FAM174C: variants seen among roughly 807,000 people sequenced by gnomAD.
FAM174C encodes the protein protein FAM174C.
A neutral mutation model predicts 12.3 loss-of-function variants in FAM174C; 19 were observed. That is an observed-to-expected ratio of 1.55 (90% CI 1.08 to 2.27). The LOEUF (loss-of-function observed/expected upper bound fraction) is 2.27, where lower values mean the gene tolerates loss of function less well. Among genes scored for constraint, FAM174C ranks in the 30% most tolerant of loss-of-function variants. The pLI, the probability that FAM174C is intolerant of heterozygous loss-of-function variation, is 0.00. For synonymous variants in FAM174C, 147 were observed against 103.5 expected (o/e 1.42, Z -2.55); for missense variants, 239 against 190.2 (o/e 1.26, Z -1.51).
intron 1 of FAM174C, 34 bp downstream of exon 1, chr19:1,275,864 C>T (rs760954772): frequency 5.2e-6 from 8 of 1,526,560 alleles, no homozygotes; most frequent in African/African-American, 1.4e-5. Flanking sequence ...CGTCTCTCAG[C>T]CTTGGCCAAT....
At chr19:1,276,040 C>T in intron 1 of FAM174C, 1 of 556,642 alleles carries the variant, frequency 1.8e-6, no homozygotes, top group South Asian at 2.2e-5. Flanking sequence ...CCAGCCTGCG[C>T]CTGGGGTTGG....
At chr19:1,277,588 A>G (rs940618416) in intron 2 of FAM174C, among the ~76,000 whole-genome samples, 1 of 152,118 alleles carries the variant, frequency 6.6e-6, no homozygotes, top group Non-Finnish European at 1.5e-5. Context: ...TTCCTGCCAC[A>G]GCCTCCCGAG....
At chr19:1,276,157 G>A (rs1342088922) in intron 1 of FAM174C, 4 of 354,976 alleles carry the variant, frequency 1.1e-5, no homozygotes, top group Non-Finnish European at 2.1e-5. Context: ...CTGGCGGGGC[G>A]AGGGGGCCTC....
At chr19:1,277,976 T>C (rs2081422747) in intron 2 of FAM174C, 2 of 152,724 alleles carry the variant, frequency 1.3e-5, no homozygotes, top group African/African-American at 4.8e-5. Context: ...GGTTTCACCA[T>C]GTTGGCCAGG....
intron 1 of FAM174C, chr19:1,276,382 C>T (rs1426907199): frequency 6.5e-6 from 1 of 155,002 alleles, no homozygotes; most frequent in Non-Finnish European, 1.4e-5. Context: ...TGTAGGCAGC[C>T]CCTGGGCAGG....
chr19:1,276,929 G>A (rs1167682174), intron 1 of FAM174C: 1 of 343,876 alleles, frequency 2.9e-6, no homozygotes, highest in Non-Finnish European at 5.2e-6. Context: ...TGACATCAGC[G>A]TGCCTCTCCT....
At chr19:1,278,626 G>A in intron 2 of FAM174C, 151 bp from the exon 3 acceptor site, 1 of 1,456,874 alleles carries the variant, frequency 6.9e-7, no homozygotes, top group Non-Finnish European at 9.1e-7. Context: ...GGCCCAGGAG[G>A]CCGGGGAGGG....
chr19:1,277,759 C>G (rs984464921), intron 2 of FAM174C: 1 of 156,402 alleles, frequency 6.4e-6, no homozygotes, highest in African/African-American at 2.4e-5. Context: ...CAGGTGTGAG[C>G]CACCGCACCT....
chr19:1,277,491 C>T (rs2081420802), intron 2 of FAM174C, among the ~76,000 whole-genome samples, 192 bp downstream of exon 2: 1 of 151,980 alleles, frequency 6.6e-6, no homozygotes, highest in Non-Finnish European at 1.5e-5. Flanking sequence ...TTTTTTTAAA[C>T]TTAAATGTTT....
In FAM174C at chr19:1,275,667, T is replaced by TCGCCGC; in HGVS notation, c.124_129dup (p.Pro42_Pro43dup). The TCGCCGC allele has an allele frequency of 3.5e-6, 5 of 1,433,190 alleles. No individual in the cohort carries two copies. The South Asian group carries it at 5.8e-5, about 17-fold the overall frequency. The allele number at this position is 1,433,190 out of a possible 1,614,324, so 88.8% of individuals were successfully genotyped here. A position where few individuals can be genotyped will look rare whatever the true frequency, so the allele number is the denominator to read the frequency against. On this transcript the variant is annotated inframe_insertion, in exon 1 of 3. Coordinates refer to ENST00000409293, the MANE Select transcript of FAM174C (RefSeq NM_017914.4). Reference sequence around the variant, plus strand: ...GCTGCGCCCCGCGCAGGTCACGTTGTCGCCGCCGCCGGCCGTGACGAACGG... The same window carrying TCGCCGC: ...GCTGCGCCCCGCGCAGGTCACGTTGTCGCCGCCGCCGCCGCCGGCCGTGACGAACGG...
rs1476106026 is a variant in FAM174C at position 1,275,623 on chromosome 19, G to A, written c.74G>A (p.Gly25Asp). 1.9e-5 allele frequency: 26 copies of A among 1,352,796 alleles called. No individual in the cohort carries two copies. Among genetic ancestry groups the A allele is most frequent in the Non-Finnish European group, 2.2e-5 (23 of 1,061,120 alleles). The allele number at this position is 1,352,796 out of a possible 1,614,324, so 83.8% of individuals were successfully genotyped here. ...LALLLAALPC[G>D]AEEASPLRPA... The stretch of plus-strand genomic sequence containing the variant: ...CTGCTGCTGGCGGCGCTGCCGTGCG[G>A]TGCCGAAGAGGCCTCGCCGCTGCGC... Residue 25 changes from glycine to aspartate, a missense_variant, in exon 1 of 3, where the codon GGT becomes GAT. Transcript: ENST00000409293.
rs1349997919 is a variant in FAM174C, at chr19:1,275,572, C to T, written c.23C>T (p.Pro8Leu). 3.3e-6 allele frequency: 4 copies of T among 1,223,802 alleles called. No homozygotes were observed. Among genetic ancestry groups the T allele is most frequent in the Non-Finnish European group, 2.0e-6 (2 of 983,684 alleles). 75.8% of individuals were successfully genotyped at this position (1,223,802 alleles called of 1,614,324 possible). MGPRVLQ[P>L]PLLLLLLALL... ...GCCATGGGGCCGCGCGTGCTGCAGC[C>T]GCCGCTGCTGCTGCTCCTGCTGGCG... The change falls in exon 1 of 3, where the codon CCG (proline) becomes CTG (leucine). Residue 8 changes from proline to leucine, a missense_variant. By Grantham distance (98) the Pro-to-Leu change is moderately conservative. Transcript: ENST00000409293.
chr19:1,277,569 G>C (rs2081421081), intron 2 of FAM174C, among the ~76,000 whole-genome samples: 1 of 151,696 alleles, frequency 6.6e-6, no homozygotes, highest in African/African-American at 2.4e-5. Context: ...CTCCGGGATT[G>C]AGGCGATTTT....
At position 1,277,272 on chromosome 19, in the gene FAM174C, C is replaced by G. The variant is rs751062801; in HGVS notation, c.371C>G (p.Thr124Arg). The change falls in exon 2 of 3, where the codon ACG becomes AGG. Residue 124 changes from threonine to arginine, a missense_variant. By Grantham distance (71) the Thr-to-Arg change is moderately conservative (BLOSUM62 -1). Transcript: ENST00000409293. Reference protein sequence around the residue: ...EMASLDSDEETVFESRNLR With the variant: ...EMASLDSDEERVFESRNLR ...GCCTCGCTGGACAGCGACGAGGAGA[C>G]GGTGTTTGAGTCCCGGAATCTGAGA... 1 of 1,549,000 alleles carries G rather than the reference C, an allele frequency of 6.5e-7. No individual in the cohort carries two copies.
rs1329564906 is a variant in FAM174C, at chr19:1,275,617, C to G, written c.68C>G (p.Pro23Arg). The G allele has an allele frequency of 4.7e-6, 6 of 1,283,252 alleles. No individual in the cohort carries two copies. Among genetic ancestry groups the G allele is most frequent in the Non-Finnish European group, 5.9e-6 (6 of 1,019,244 alleles). 79.5% of individuals were successfully genotyped at this position (1,283,252 alleles called of 1,614,324 possible). Residue 23 changes from proline (P) to arginine (R), a missense_variant, in exon 1 of 3, where the codon CCG (proline) becomes CGG (arginine). By Grantham distance (103) the Pro-to-Arg change is moderately radical. Coordinates refer to ENST00000409293, the MANE Select transcript of FAM174C (RefSeq NM_017914.4). ...CTGGCGCTGCTGCTGGCGGCGCTGC[C>G]GTGCGGTGCCGAAGAGGCCTCGCCG... Reference protein sequence around the residue: ...LLLALLLAALPCGAEEASPLR... With the variant: ...LLLALLLAALRCGAEEASPLR...
In FAM174C at chr19:1,275,572, C is replaced by CG; in HGVS notation, c.24dup (p.Pro9AlafsTer86). ...GCCATGGGGCCGCGCGTGCTGCAGC[C>CG]GCCGCTGCTGCTGCTCCTGCTGGCG... On this transcript the variant is annotated frameshift_variant, in exon 1 of 3. Transcript: ENST00000409293. LOFTEE classifies it high-confidence loss of function. The CG allele has an allele frequency of 2.5e-6, 3 of 1,223,802 alleles. No homozygotes were observed. Among genetic ancestry groups the CG allele is most frequent in the Non-Finnish European group, 3.0e-6 (3 of 983,684 alleles). 75.8% of individuals were successfully genotyped at this position (1,223,802 alleles called of 1,614,324 possible).
rs1234044505 is a variant in FAM174C at position 1,275,779 on chromosome 19, T to A, written c.230T>A (p.Ile77Asn). The change falls in exon 1 of 3, where the codon ATC becomes AAC. Residue 77 changes from isoleucine to asparagine, a missense_variant. Transcript: ENST00000409293. ...GCGCTGACGCGCTCCTTCTACGTGATCCTGGGCTTCTGCGGCCTGACCGCG... is the reference window on the plus strand; with the variant it reads ...GCGCTGACGCGCTCCTTCTACGTGAACCTGGGCTTCTGCGGCCTGACCGCG... ...GSALTRSFYVILGFCGLTALY... is the reference protein window; with the variant it reads ...GSALTRSFYVNLGFCGLTALY... 3 of 1,539,862 alleles carry A rather than the reference T, an allele frequency of 1.9e-6. No homozygotes were observed. The highest frequency in any genetic ancestry group is 8.7e-7 in the Non-Finnish European group (1 of 1,146,366).
intron 1 of FAM174C, chr19:1,276,706 A>T (rs1342351742): frequency 6.5e-6 from 1 of 153,082 alleles, no homozygotes; most frequent in African/African-American, 2.4e-5. Context: ...GCTGCTTTTT[A>T]TGGGCCCTGT....
intron 2 of FAM174C, 132 bp downstream of exon 2, chr19:1,277,431 C>T: frequency 7.4e-7 from 1 of 1,355,652 alleles, no homozygotes. Flanking sequence ...CAGGCCATGG[C>T]CCCACTGGGC....
Sources: allele counts gnomAD v4.1 joint callset (sites outside exome capture counted in the v4.1 genomes callset), GRCh38; gene constraint gnomAD v4.1.1; transcripts MANE v1.5; gene names NCBI Gene and HGNC (gene_info 2026-07-23, HGNC 2026-07-21).